DOCK5: variants seen among roughly 807,000 people sequenced by gnomAD.
DOCK5 encodes dedicator of cytokinesis 5, also known as dedicator of cytokinesis protein 5.
A neutral mutation model predicts 251.8 loss-of-function variants in DOCK5; 142 were observed. That is an observed-to-expected ratio of 0.56 (90% confidence interval 0.49 to 0.65). The LOEUF is 0.65. DOCK5 is among the 30% of genes least tolerant of loss of function. DOCK5 has a pLI of 0.00. For missense variants in DOCK5, 2,111 were observed against 2,312.3 expected (o/e 0.91, Z 1.79); for synonymous variants, 842 against 835.5 (o/e 1.01, Z -0.13).
rs11309985 is a variant in DOCK5 at position 25,392,303 on chromosome 8, CAA to C, written c.4440+340_4440+341del. Among the ~76,000 whole-genome samples the C allele has an allele frequency of 7.9e-3, 921 of 116,300 alleles. 12 individuals are homozygous for C. Among genetic ancestry groups the C allele is most frequent in the South Asian group, 0.071 (247 of 3,492 alleles). 76.3% of individuals were successfully genotyped at this position (116,300 alleles called of 152,430 possible). On this transcript the variant is annotated intron_variant, in intron 43 of 51. Coordinates refer to ENST00000276440, the MANE Select transcript of DOCK5 (RefSeq NM_024940.8). The stretch of plus-strand genomic sequence containing the variant: ...TGGGCGACAGAGCGAGACTTCGTCT[CAA>C]AAAAAAAAAAAAAAAAGGTAAAATT...
chr8:25,354,746 G>A (rs1800538180), intron 27 of DOCK5, among the ~76,000 whole-genome samples: 1 of 152,088 alleles, frequency 6.6e-6, no homozygotes, highest in Non-Finnish European at 1.5e-5. Flanking sequence ...ATTCAAGAAT[G>A]GTTAAATATT....
At chr8:25,270,620 C>T (rs183242083) in intron 3 of DOCK5, among the ~76,000 whole-genome samples, 8 of 152,202 alleles carry the variant, frequency 5.3e-5, no homozygotes, top group South Asian at 2.1e-4. Flanking sequence ...AAGGAACAAA[C>T]GAAACTCTTG....
chr8:25,342,843 G>GC (rs71214565), intron 25 of DOCK5, among the ~76,000 whole-genome samples: 149,297 of 149,300 alleles, frequency 1, 74,647 homozygotes, highest in Middle Eastern at 1. Flanking sequence ...GGACTACAAG[G>GC]ACCTGCCACC....
At chr8:25,204,879 A>T (rs567196452) in intron 1 of DOCK5, among the ~76,000 whole-genome samples, 2 of 152,106 alleles carry the variant, frequency 1.3e-5, no homozygotes, top group Non-Finnish European at 2.9e-5. Context: ...ATTGATTTTA[A>T]CAGAGTGCTA....
intron 5 of DOCK5, among the ~76,000 whole-genome samples, chr8:25,278,976 T>G (rs910541458): frequency 2.0e-5 from 3 of 152,224 alleles, no homozygotes; most frequent in African/African-American, 7.2e-5. Context: ...CCAGAAACTA[T>G]GAATCCTCAC....
chr8:25,410,510 G>A (rs1218778320), intron 51 of DOCK5, among the ~76,000 whole-genome samples: 1 of 152,020 alleles, frequency 6.6e-6, no homozygotes, highest in Non-Finnish European at 1.5e-5. Context: ...CACCCAGGCT[G>A]GAGTGCAATA....
chr8:25,314,515 C>T (rs1326982677), intron 13 of DOCK5, among the ~76,000 whole-genome samples: 1 of 151,902 alleles, frequency 6.6e-6, no homozygotes, highest in East Asian at 1.9e-4. Flanking sequence ...TGTGTTTTAT[C>T]TAAGAAAATA....
At chr8:25,246,704 T>TGTGTG (rs1414412892) in intron 2 of DOCK5, among the ~76,000 whole-genome samples, 1 of 89,576 alleles carries the variant, frequency 1.1e-5, no homozygotes, top group African/African-American at 4.0e-5. Context: ...CCATGTTAGT[T>TGTGTG]TGTGTGTGTG....
intron 3 of DOCK5, among the ~76,000 whole-genome samples, chr8:25,273,954 G>A (rs577516577): frequency 1.1e-3 from 165 of 152,248 alleles, no homozygotes; most frequent in African/African-American, 3.6e-3. Context: ...GCCTGCCCCC[G>A]TCTCAAAGCG....
At chr8:25,392,122 T>G in intron 43 of DOCK5, 142 bp downstream of exon 43, 1 of 753,606 alleles carries the variant, frequency 1.3e-6, no homozygotes, top group Non-Finnish European at 2.1e-6. Flanking sequence ...GCTAATACGG[T>G]GAAACCCCAT....
At chr8:25,217,584 A>G (rs1802281608) in intron 1 of DOCK5, among the ~76,000 whole-genome samples, 1 of 152,212 alleles carries the variant, frequency 6.6e-6, no homozygotes, top group Non-Finnish European at 1.5e-5. Context: ...CCAGTGGCAC[A>G]GAAGTCAGCA....
chr8:25,301,684 A>G (rs1232723743), intron 9 of DOCK5, among the ~76,000 whole-genome samples: 2 of 135,738 alleles, frequency 1.5e-5, no homozygotes, highest in African/African-American at 5.3e-5. Context: ...CAGCCTGGAT[A>G]ACATAGGGAG....
At chr8:25,309,064 A>G (rs1805022849) in intron 12 of DOCK5, 139 bp downstream of exon 12, 2 of 1,139,088 alleles carry the variant, frequency 1.8e-6, no homozygotes, top group Non-Finnish European at 2.4e-6. Flanking sequence ...CTCAGCTTCC[A>G]ACCACAGGCT....
intron 1 of DOCK5, among the ~76,000 whole-genome samples, chr8:25,200,901 T>TTTCTTC (rs145629044): frequency 0.77 from 116,431 of 151,310 alleles, 45,390 homozygotes; most frequent in Non-Finnish European, 0.84. Context: ...TAAATGGCTA[T>TTTCTTC]TTCTTCTTCT....
chr8:25,386,722 A>G (rs1303326016), intron 40 of DOCK5, among the ~76,000 whole-genome samples: 1 of 152,236 alleles, frequency 6.6e-6, no homozygotes, highest in Non-Finnish European at 1.5e-5. Context: ...ATATGCCTGC[A>G]TGTCCCATGA....
intron 7 of DOCK5, 148 bp downstream of exon 7, chr8:25,296,796 G>C (rs1212585749): frequency 1.1e-6 from 1 of 930,228 alleles, no homozygotes; most frequent in Non-Finnish European, 1.6e-6. Flanking sequence ...AAAGGATGAG[G>C]CAGGTATATA....
In DOCK5 at chr8:25,388,711, T is replaced by G. The variant is rs148415896; in HGVS notation, c.4132-380T>G. On this transcript the variant is annotated intron_variant, in intron 40 of 51. Transcript: ENST00000276440. ...TATACCTCAATGTAAATTAATGCACTTCCTTCCTTCCTTAAGAATGTCTTG... is the reference window on the plus strand; with the variant it reads ...TATACCTCAATGTAAATTAATGCACGTCCTTCCTTCCTTAAGAATGTCTTG... The G allele has an allele frequency of 3.6e-3, 684 of 191,286 alleles. 8 individuals carry two copies. The highest frequency in any genetic ancestry group is 0.026 in the South Asian group (224 of 8,702). 11.8% of individuals were successfully genotyped at this position (191,286 alleles called of 1,614,324 possible).
chr8:25,243,568 A>G, intron 1 of DOCK5, 106 bp from the exon 2 acceptor site: 1 of 1,019,136 alleles, frequency 9.8e-7, no homozygotes, highest in Non-Finnish European at 1.4e-6. Flanking sequence ...TGACCTCATG[A>G]TCCACCCACC....
intron 11 of DOCK5, chr8:25,305,223 A>T (rs1804873677): frequency 6.6e-6 from 1 of 151,950 alleles, no homozygotes; most frequent in Non-Finnish European, 1.5e-5. Context: ...AGCCAGAGTC[A>T]TATATTTGAG....
Sources: gnomAD v4.1 joint callset for allele counts (sites outside exome capture counted in the v4.1 genomes callset) on GRCh38, gnomAD v4.1.1 for gene constraint, MANE v1.5 for transcripts, NCBI Gene and HGNC (gene_info 2026-07-23, HGNC 2026-07-21) for gene names.